Variants in GALNT9 observed in about 807,000 individuals in gnomAD.
The protein encoded by GALNT9 is GalNAc transferase 9.
GALNT9 carries 47 observed loss-of-function variants against 63.1 expected under a neutral mutation model. The ratio of observed to expected loss-of-function variants is 0.75; its 90% CI spans 0.59 to 0.95. GALNT9 has a LOEUF of 0.95. GALNT9 is among the 40% of genes least tolerant of loss of function. The pLI, the probability that GALNT9 is intolerant of heterozygous loss-of-function variation, is 0.00. For synonymous variants in GALNT9, 396 were observed against 365.7 expected (o/e 1.08, Z -0.94); for missense variants, 829 against 874.8 (o/e 0.95, Z 0.66).
chr12:132,261,280 A>G (rs781811548), intron 3 of GALNT9, among the ~76,000 whole-genome samples, 158 bp from the exon 4 acceptor site: 6 of 152,158 alleles, frequency 3.9e-5, no homozygotes, highest in Non-Finnish European at 7.4e-5. Context: ...CGTGGAGGTC[A>G]CAGAGAGATG....
intron 3 of GALNT9, 31 bp downstream of exon 3, chr12:132,262,428 C>T (rs1048550540): frequency 1.4e-5 from 22 of 1,535,060 alleles, no homozygotes; most frequent in Middle Eastern, 3.4e-4. Flanking sequence ...AGCCGCCCGG[C>T]GAGCACCGTG....
chr12:132,208,714 C>T (rs1876829829), intron 6 of GALNT9, among the ~76,000 whole-genome samples: 1 of 152,194 alleles, frequency 6.6e-6, no homozygotes, highest in South Asian at 2.1e-4. Flanking sequence ...CCGCTCTGCT[C>T]CACATAGACC....
At chr12:132,284,749 G>C (rs1209660218) in intron 2 of GALNT9, 1 of 152,278 alleles carries the variant, frequency 6.6e-6, no homozygotes, top group South Asian at 2.1e-4. Context: ...GCTGTCTAAG[G>C]AAGCTTCATC....
intron 6 of GALNT9, among the ~76,000 whole-genome samples, chr12:132,217,894 TCCACCCATCCATTCATCCACCCAC>T (rs1201748202): frequency 1.2e-4 from 18 of 148,198 alleles, no homozygotes; most frequent in Admixed American, 2.7e-4. Context: ...ACCATCTCTA[TCCACCCATCCATTCATCCACCCAC>T]CCACCCATCC....
At position 132,238,128 on chromosome 12, in the gene GALNT9, T is replaced by C. The variant is rs2136895826; in HGVS notation, c.1077+9782A>G. On this transcript the variant is annotated intron_variant, in intron 6 of 10. Coordinates refer to ENST00000328957, the MANE Select transcript of GALNT9 (RefSeq NM_001122636.2). The surrounding 1 kb of genome is among the most constrained non-coding windows in gnomAD (Gnocchi z 6.5). Reference sequence around the variant, plus strand: ...CCACAGCTCGGTGGCTTGAAGGACATAGTCATGACCTTACAGCAACGAGCC... The same window carrying C: ...CCACAGCTCGGTGGCTTGAAGGACACAGTCATGACCTTACAGCAACGAGCC... Among the ~76,000 whole-genome samples the C allele has an allele frequency of 6.6e-6, 1 of 152,234 alleles. No individual in the cohort carries two copies. The highest frequency in any genetic ancestry group is 2.1e-4 in the South Asian group (1 of 4,822).
intron 1 of GALNT9, among the ~76,000 whole-genome samples, chr12:132,294,473 G>A (rs2135569215): frequency 6.6e-6 from 1 of 152,314 alleles, no homozygotes; most frequent in African/African-American, 2.4e-5. Context: ...GGAGACTCAG[G>A]AGCTCTGGTG....
chr12:132,313,713 C>A (rs1406620405), intron 1 of GALNT9, among the ~76,000 whole-genome samples: 2 of 137,906 alleles, frequency 1.5e-5, no homozygotes, highest in African/African-American at 5.4e-5. Flanking sequence ...TACCCATCCA[C>A]CCACTCATCC....
chr12:132,203,442 CT>C, intron 7 of GALNT9, 62 bp downstream of exon 7: 1 of 1,546,674 alleles, frequency 6.5e-7, no homozygotes, highest in Non-Finnish European at 8.9e-7. Flanking sequence ...CGGCCCAGCC[CT>C]GCCGTGGCAT....
intron 6 of GALNT9, among the ~76,000 whole-genome samples, chr12:132,209,121 A>G (rs545409363): frequency 9.2e-5 from 14 of 152,298 alleles, no homozygotes; most frequent in African/African-American, 3.1e-4. Flanking sequence ...GCTGGGTAAG[A>G]TGAGGCTGAG....
At chr12:132,198,605 T>A (rs2135496136) in intron 9 of GALNT9, among the ~76,000 whole-genome samples, 1 of 152,306 alleles carries the variant, frequency 6.6e-6, no homozygotes, top group African/African-American at 2.4e-5. Flanking sequence ...GCCGTCTCTC[T>A]TGACTGAGGG....
In GALNT9 at chr12:132,226,949, C is replaced by T. The variant is rs1039222044; in HGVS notation, c.1077+20961G>A. ...CCACACACTGTACACACCCCACATA[C>T]ACCCCATACACACTGTATACACACC... On this transcript the variant is annotated intron_variant, in intron 6 of 10. Coordinates refer to ENST00000328957, the MANE Select transcript of GALNT9 (RefSeq NM_001122636.2). Among the ~76,000 whole-genome samples, 34 of 150,114 alleles carry T rather than the reference C, an allele frequency of 2.3e-4. No individual in the cohort carries two copies. In the East Asian group the frequency reaches 5.7e-3, roughly 25 times the overall value.
chr12:132,210,470 C>T (rs1213607026), intron 6 of GALNT9, among the ~76,000 whole-genome samples: 1 of 152,226 alleles, frequency 6.6e-6, no homozygotes, highest in Non-Finnish European at 1.5e-5. Flanking sequence ...AGACGTCACA[C>T]TCATCACGTG....
At chr12:132,261,161 G>T in intron 3 of GALNT9, 39 bp from the exon 4 acceptor site, 1 of 1,544,750 alleles carries the variant, frequency 6.5e-7, no homozygotes, top group South Asian at 1.2e-5. Flanking sequence ...GGCAGGTGCT[G>T]GCAGGCGCGG....
At chr12:132,325,110 C>T (rs1048468645) in intron 1 of GALNT9, among the ~76,000 whole-genome samples, 19 of 152,260 alleles carry the variant, frequency 1.2e-4, no homozygotes, top group African/African-American at 4.3e-4. Flanking sequence ...CATGTGGCCC[C>T]GGCTCAGGCC....
chr12:132,321,203 AGAGTCGAGGCCCCTGTGG>A (rs1566024605), intron 1 of GALNT9, among the ~76,000 whole-genome samples: 98 of 28,168 alleles, frequency 3.5e-3, no homozygotes, highest in Middle Eastern at 0.014. Flanking sequence ...CTGTTGGTCC[AGAGTCGAGGCCCCTGTGG>A]GTCTGGAGTC....
intron 1 of GALNT9, among the ~76,000 whole-genome samples, chr12:132,325,435 C>A (rs1025555893): frequency 1.3e-5 from 2 of 152,112 alleles, no homozygotes; most frequent in African/African-American, 4.8e-5. Flanking sequence ...GCATGAGGCA[C>A]GTGGGAATTC....
At chr12:132,224,874 C>G (rs992913465) in intron 6 of GALNT9, among the ~76,000 whole-genome samples, 49 of 149,242 alleles carry the variant, frequency 3.3e-4, no homozygotes, top group African/African-American at 1.1e-3. Flanking sequence ...GTACACACCC[C>G]ACACATACCA....
In GALNT9 at chr12:132,199,880, C is replaced by T. The variant is rs572993269; in HGVS notation, c.1402-611G>A. On this transcript the variant is annotated intron_variant, in intron 8 of 10. Transcript: ENST00000328957. ...TGTAGATGCTTATTGCTTTTGTCCA[C>T]CGCGTCTCCAGGCTGCTGGGTTTGC... 3.3e-5 allele frequency among the ~76,000 whole-genome samples: 5 copies of T among 152,142 alleles called. No homozygotes were observed. In the South Asian group the frequency reaches 1.0e-3, roughly 32 times the overall value.
chr12:132,293,542 C>T (rs1459685531), intron 1 of GALNT9, among the ~76,000 whole-genome samples: 5 of 152,264 alleles, frequency 3.3e-5, no homozygotes, highest in African/African-American at 1.2e-4. Context: ...TGGGTACCGA[C>T]AGCACCTCAG....
Sources: allele counts gnomAD v4.1 joint callset (sites outside exome capture counted in the v4.1 genomes callset), GRCh38; gene constraint gnomAD v4.1.1; non-coding constraint Gnocchi (gnomAD v3.1); transcripts MANE v1.5; gene names NCBI Gene and HGNC (gene_info 2026-07-23, HGNC 2026-07-21).